KCND2: variants seen among roughly 807,000 people sequenced by gnomAD.
The protein encoded by KCND2 is A-type voltage-gated potassium channel KCND2.
In KCND2, 16 loss-of-function variants were observed where a neutral mutation model predicts 54.4. That is an observed-to-expected ratio of 0.29 (90% CI 0.20 to 0.45). The LOEUF is 0.45. Among genes scored for constraint, KCND2 ranks in the 20% least tolerant of loss-of-function variants. KCND2 has a pLI of 1.00. For missense variants in KCND2, 486 were observed against 824.2 expected (o/e 0.59, Z 5.02); for synonymous variants, 317 against 310.7 (o/e 1.02, Z -0.21).
At chr7:120,716,323 G>GA (rs145253162) in intron 1 of KCND2, among the ~76,000 whole-genome samples, 12,977 of 151,766 alleles carry the variant, frequency 0.086, 719 homozygotes, top group African/African-American at 0.13. Flanking sequence ...TTTAATTTAA[G>GA]AAAAAAAATG....
At chr7:120,461,798 T>C (rs924205487) in intron 1 of KCND2, among the ~76,000 whole-genome samples, 1 of 152,166 alleles carries the variant, frequency 6.6e-6, no homozygotes, top group African/African-American at 2.4e-5. Flanking sequence ...GTGTCACCTT[T>C]CTAAAATCAT....
At chr7:120,639,089 A>G (rs1793340849) in intron 1 of KCND2, among the ~76,000 whole-genome samples, 1 of 152,168 alleles carries the variant, frequency 6.6e-6, no homozygotes, top group South Asian at 2.1e-4. Flanking sequence ...TTCAAATGCT[A>G]GTGTGCACAC....
intron 1 of KCND2, among the ~76,000 whole-genome samples, chr7:120,507,399 A>G (rs1358008802): frequency 1.3e-5 from 2 of 151,898 alleles, no homozygotes; most frequent in African/African-American, 4.8e-5. Flanking sequence ...CTTGATTTTC[A>G]GCTGGACTTA....
chr7:120,434,911 T>C (rs1801844446), intron 1 of KCND2, among the ~76,000 whole-genome samples: 1 of 151,944 alleles, frequency 6.6e-6, no homozygotes, highest in South Asian at 2.1e-4. Context: ...CATTAGTAGA[T>C]GTCAGAGGAC....
intron 1 of KCND2, among the ~76,000 whole-genome samples, chr7:120,377,631 A>G (rs569216924): frequency 1.6e-4 from 24 of 152,074 alleles, no homozygotes; most frequent in African/African-American, 5.1e-4. Flanking sequence ...ATTCATATTC[A>G]AGCCTGACAT....
At chr7:120,606,046 C>A (rs1792877602) in intron 1 of KCND2, among the ~76,000 whole-genome samples, 1 of 152,128 alleles carries the variant, frequency 6.6e-6, no homozygotes, top group African/African-American at 2.4e-5. Context: ...ATTTCCCCTG[C>A]ACACACTCTC....
chr7:120,328,460 G>T (rs1800013844), intron 1 of KCND2, among the ~76,000 whole-genome samples: 1 of 152,044 alleles, frequency 6.6e-6, no homozygotes, highest in African/African-American at 2.4e-5. Context: ...ATGCCATTCA[G>T]CTAGTAAATA....
chr7:120,656,370 G>A (rs1791803373), intron 1 of KCND2, among the ~76,000 whole-genome samples: 1 of 152,060 alleles, frequency 6.6e-6, no homozygotes, highest in Non-Finnish European at 1.5e-5. Flanking sequence ...TTATATTACT[G>A]TGGACTGGAC....
At chr7:120,431,440 A>G (rs1349057173) in intron 1 of KCND2, among the ~76,000 whole-genome samples, 1 of 152,228 alleles carries the variant, frequency 6.6e-6, no homozygotes, top group Non-Finnish European at 1.5e-5. Flanking sequence ...TAATTCAGTT[A>G]GATGAGGACA....
chr7:120,370,150 A>C (rs1203721670), intron 1 of KCND2, among the ~76,000 whole-genome samples: 1 of 152,054 alleles, frequency 6.6e-6, no homozygotes, highest in Non-Finnish European at 1.5e-5. Flanking sequence ...TTCCAGGCAG[A>C]GGACTGAGCT....
intron 1 of KCND2, among the ~76,000 whole-genome samples, chr7:120,307,402 T>A (rs1477086308): frequency 6.6e-6 from 1 of 152,118 alleles, no homozygotes; most frequent in Non-Finnish European, 1.5e-5. Context: ...GTGATATACC[T>A]ACCTGTGACT....
chr7:120,604,540 TA>T (rs1792856694), intron 1 of KCND2, among the ~76,000 whole-genome samples: 2 of 148,066 alleles, frequency 1.4e-5, no homozygotes, highest in Non-Finnish European at 3.0e-5. Context: ...ATAATAATAA[TA>T]ATAATAATAA....
At chr7:120,654,023 T>C (rs1290507262) in intron 1 of KCND2, among the ~76,000 whole-genome samples, 1 of 152,218 alleles carries the variant, frequency 6.6e-6, no homozygotes, top group African/African-American at 2.4e-5. Context: ...CTTCAGAACA[T>C]GTTCAATTCT....
intron 1 of KCND2, among the ~76,000 whole-genome samples, chr7:120,540,976 A>G (rs1044032983): frequency 3.3e-5 from 5 of 152,202 alleles, no homozygotes; most frequent in Non-Finnish European, 7.3e-5. Context: ...TTTATTGAAC[A>G]TTATTATATT....
intron 1 of KCND2, among the ~76,000 whole-genome samples, chr7:120,472,837 G>T (rs1802478725): frequency 6.6e-6 from 1 of 152,218 alleles, no homozygotes; most frequent in South Asian, 2.1e-4. Context: ...TATAGGAACG[G>T]CTCCAGCCAT....
intron 1 of KCND2, among the ~76,000 whole-genome samples, chr7:120,398,018 T>TATATAC (rs1801184638): frequency 7.0e-6 from 1 of 142,188 alleles, no homozygotes; most frequent in Non-Finnish European, 1.5e-5. Context: ...TATATATATA[T>TATATAC]ATATATATAT....
At chr7:120,634,017 T>C (rs180962183) in intron 1 of KCND2, among the ~76,000 whole-genome samples, 158 of 152,314 alleles carry the variant, frequency 1.0e-3, no homozygotes, top group African/African-American at 3.3e-3. Context: ...GTCATAAAGA[T>C]AGAGTCAAAA....
chr7:120,485,596 A>G (rs930985163), intron 1 of KCND2, among the ~76,000 whole-genome samples: 5 of 152,214 alleles, frequency 3.3e-5, no homozygotes, highest in Admixed American at 3.3e-4. Context: ...GACAAAAACC[A>G]TGTACTAGAT....
intron 5 of KCND2, 131 bp from the exon 6 acceptor site, chr7:120,747,549 TA>T (rs1485478349): frequency 2.4e-5 from 16 of 658,256 alleles, no homozygotes; most frequent in Non-Finnish European, 4.0e-5. Context: ...TGGTGTTTCA[TA>T]TTTTTAATTA....
Sources: allele counts gnomAD v4.1 joint callset (sites outside exome capture counted in the v4.1 genomes callset), GRCh38; gene constraint gnomAD v4.1.1; transcripts MANE v1.5; gene names NCBI Gene and HGNC (gene_info 2026-07-23, HGNC 2026-07-21).